The following SWT1 variants were observed in gnomAD, a reference collection of about 807,000 sequenced individuals.
SWT1 encodes the protein transcriptional protein SWT1.
Under a neutral mutation model 107.3 loss-of-function variants are expected in SWT1, and 33 were observed. The observed-to-expected ratio is 0.31, with a 90% confidence interval of 0.23 to 0.41. SWT1 has a LOEUF of 0.41. SWT1 is among the 10% of genes least tolerant of loss of function. The pLI, the probability that SWT1 is intolerant of heterozygous loss-of-function variation, is 1.00. For synonymous variants in SWT1, 345 were observed against 348.3 expected, an observed-to-expected ratio of 0.99 and a Z score of 0.11; for missense variants, 898 against 1,028.9, an observed-to-expected ratio of 0.87 and a Z score of 1.74.
chr1:185,166,690 G>A (rs747071602), intron 3 of SWT1, 38 bp downstream of exon 3: 2 of 1,299,864 alleles, frequency 1.5e-6, no homozygotes, highest in Non-Finnish European at 1.1e-6. Context: ...AGTTATTTAT[G>A]CTAAAGTTTT....
chr1:185,227,769 G>A lies in SWT1; in HGVS notation c.2310-3808G>A, dbSNP rs77984183. 3,777 of 395,682 alleles carry A rather than the reference G, an allele frequency of 9.5e-3. 126 individuals carry two copies. The highest frequency in any genetic ancestry group is 0.087 in the East Asian group (1,362 of 15,668). The allele number at this position is 395,682 out of a possible 1,614,324, so 24.5% of individuals were successfully genotyped here. On this transcript the variant is annotated intron_variant, in intron 15 of 18. Transcript: ENST00000367500. ...CAGGCCCAGCAGCTCTAGCGGGGGA[G>A]AAAGGCGAGACATTTTTAAAAATGT...
intron 15 of SWT1, among the ~76,000 whole-genome samples, chr1:185,231,295 T>A (rs1216174773): frequency 1.3e-5 from 2 of 152,206 alleles, no homozygotes; most frequent in Non-Finnish European, 2.9e-5. Flanking sequence ...GCATTACTTC[T>A]CCTCTATCTC....
At chr1:185,221,084 C>G (rs568688241) in intron 14 of SWT1, among the ~76,000 whole-genome samples, 2 of 148,100 alleles carry the variant, frequency 1.4e-5, no homozygotes, top group East Asian at 4.0e-4. Flanking sequence ...CACACACACA[C>G]TCTTCTAGAT....
chr1:185,289,018 G>C (rs1665103954), intron 18 of SWT1, among the ~76,000 whole-genome samples: 1 of 152,176 alleles, frequency 6.6e-6, no homozygotes, highest in South Asian at 2.1e-4. Flanking sequence ...ATATTTCTAA[G>C]AATTGAAACT....
chr1:185,290,944 T>C lies in SWT1; in HGVS notation c.*141T>C. On this transcript the variant is annotated 3_prime_UTR_variant, in exon 19 of 19. Transcript: ENST00000367500. ...GTATAAAAAGGTGATCGCCTATTAC[T>C]GACAGTCTCATTGTAGCTCTAAAAA... is the stretch of plus-strand genomic sequence containing the variant. 1 of 567,144 alleles carries C rather than the reference T, an allele frequency of 1.8e-6. No homozygotes were observed. The highest frequency in any genetic ancestry group is 2.8e-6 in the Non-Finnish European group (1 of 351,534). 35.1% of individuals were successfully genotyped at this position (567,144 alleles called of 1,614,324 possible). A position where few individuals can be genotyped will look rare whatever the true frequency, so the allele number is the denominator to read the frequency against.
chr1:185,256,821 T>G (rs1476529905), intron 16 of SWT1, among the ~76,000 whole-genome samples: 1 of 152,204 alleles, frequency 6.6e-6, no homozygotes, highest in Non-Finnish European at 1.5e-5. Context: ...CCATTGCTGG[T>G]GAGGAACTGC....
At chr1:185,171,817 T>C (rs1274801004) in intron 4 of SWT1, 1 of 341,846 alleles carries the variant, frequency 2.9e-6, no homozygotes, top group African/African-American at 2.2e-5. Context: ...GCTCAAGTGA[T>C]CCTCCCACTT....
At chr1:185,187,981 C>T (rs557558166) in intron 9 of SWT1, among the ~76,000 whole-genome samples, 1 of 152,342 alleles carries the variant, frequency 6.6e-6, no homozygotes, top group East Asian at 1.9e-4. Context: ...GTGTGAGCCA[C>T]CGCGCCTTGC....
chr1:185,212,558 A>G (rs1280420815), intron 13 of SWT1, among the ~76,000 whole-genome samples: 2 of 152,152 alleles, frequency 1.3e-5, no homozygotes, highest in Non-Finnish European at 2.9e-5. Flanking sequence ...GTTATGAAGA[A>G]TATGTCATGG....
intron 16 of SWT1, among the ~76,000 whole-genome samples, chr1:185,246,390 C>T (rs1474019564): frequency 1.3e-5 from 2 of 152,096 alleles, no homozygotes; most frequent in Admixed American, 6.6e-5. Context: ...GATTCTCCCA[C>T]CTCAGCCTCC....
At chr1:185,249,470 A>C (rs1661852244) in intron 16 of SWT1, among the ~76,000 whole-genome samples, 1 of 152,040 alleles carries the variant, frequency 6.6e-6, no homozygotes, top group African/African-American at 2.4e-5. Flanking sequence ...TACATCCCCA[A>C]GTCTTATCCC....
At chr1:185,195,126 CT>C (rs1212430861) in intron 10 of SWT1, among the ~76,000 whole-genome samples, 2 of 152,134 alleles carry the variant, frequency 1.3e-5, no homozygotes, top group African/African-American at 4.8e-5. Flanking sequence ...TTAAGTATTT[CT>C]CCTAATGCTA....
intron 10 of SWT1, among the ~76,000 whole-genome samples, chr1:185,200,028 G>C (rs767437703): frequency 2.6e-5 from 4 of 151,812 alleles, no homozygotes; most frequent in Non-Finnish European, 5.9e-5. Context: ...TCTTCCGCTT[G>C]ATCGGTTTGG....
chr1:185,260,184 G>A (rs371391229), intron 16 of SWT1, among the ~76,000 whole-genome samples: 2 of 152,172 alleles, frequency 1.3e-5, no homozygotes, highest in Admixed American at 1.3e-4. Flanking sequence ...AGGGGCAACT[G>A]TGATGCCAGA....
chr1:185,266,272 G>C (rs953074952), intron 16 of SWT1, among the ~76,000 whole-genome samples: 108 of 152,262 alleles, frequency 7.1e-4, no homozygotes, highest in African/African-American at 2.4e-3. Flanking sequence ...CACCGTGTTA[G>C]CCAGGATGGT....
intron 17 of SWT1, among the ~76,000 whole-genome samples, chr1:185,274,547 T>C (rs1291171999): frequency 2.0e-5 from 3 of 152,072 alleles, no homozygotes; most frequent in Non-Finnish European, 4.4e-5. Context: ...ATATTAAAAA[T>C]GGTGGTAGGA....
intron 18 of SWT1, among the ~76,000 whole-genome samples, chr1:185,288,218 C>T (rs1665056486): frequency 1.3e-5 from 2 of 152,102 alleles, no homozygotes; most frequent in African/African-American, 4.8e-5. Context: ...ATTAGGGTTA[C>T]ACAAAGCCAA....
At chr1:185,257,746 C>T (rs1229536685) in intron 16 of SWT1, among the ~76,000 whole-genome samples, 3 of 152,256 alleles carry the variant, frequency 2.0e-5, no homozygotes, top group South Asian at 2.1e-4. Flanking sequence ...CCTTCTGCGT[C>T]GCTCACGCTG....
chr1:185,274,794 T>G (rs2102746491), intron 17 of SWT1, among the ~76,000 whole-genome samples: 1 of 152,326 alleles, frequency 6.6e-6, no homozygotes, highest in African/African-American at 2.4e-5. Flanking sequence ...CATTTAAGCA[T>G]GGAGATGATA....
Sources: gnomAD v4.1 joint callset for allele counts (sites outside exome capture counted in the v4.1 genomes callset) on GRCh38, gnomAD v4.1.1 for gene constraint, MANE v1.5 for transcripts, NCBI Gene and HGNC (gene_info 2026-07-23, HGNC 2026-07-21) for gene names.